CDH19: variants seen among roughly 807,000 people sequenced by gnomAD.
CDH19 encodes the protein cadherin-19.
A neutral mutation model predicts 64.2 loss-of-function variants in CDH19; 67 were observed. That is an observed-to-expected ratio of 1.04 (90% CI 0.86 to 1.28). The LOEUF (loss-of-function observed/expected upper bound fraction) is 1.28. Ranked by LOEUF, CDH19 falls within the 50% of genes most tolerant of loss-of-function variation. The pLI is 0.00. For synonymous variants in CDH19, 346 were observed against 319.3 expected (o/e 1.08, Z -0.89); for missense variants, 1,030 against 929.0 (o/e 1.11, Z -1.41).
intron 3 of CDH19, among the ~76,000 whole-genome samples, chr18:66,559,200 T>C (rs916064933): frequency 2.6e-5 from 4 of 152,018 alleles, no homozygotes; most frequent in Admixed American, 1.3e-4. Context: ...ATGGAAAATA[T>C]ATTTCAATTT....
Position 66,597,132 on chromosome 18 carries a change from A to G in CDH19, c.-113+6822T>C, listed in dbSNP as rs1988918119. ...ACTAATGTTCACAGGAAACCACAAA[A>G]GAGCCCAAAGAGCCAAAGCAATCTT... On this transcript the variant is annotated intron_variant, in intron 1 of 11. Transcript: ENST00000262150. 2.0e-5 allele frequency among the ~76,000 whole-genome samples: 3 copies of G among 146,716 alleles called. No individual in the cohort carries two copies. The South Asian group carries it at 6.5e-4, about 32-fold the overall frequency.
chr18:66,592,279 G>A (rs2076100826), intron 1 of CDH19, among the ~76,000 whole-genome samples: 1 of 151,514 alleles, frequency 6.6e-6, no homozygotes, highest in Non-Finnish European at 1.5e-5. Flanking sequence ...ACATATTTAT[G>A]GGATACAGAG....
chr18:66,595,682 C>T (rs1250427578), intron 1 of CDH19, among the ~76,000 whole-genome samples: 1 of 151,670 alleles, frequency 6.6e-6, no homozygotes, highest in African/African-American at 2.4e-5. Flanking sequence ...AAAAACCTAC[C>T]CAAAAGGAAA....
intron 1 of CDH19, among the ~76,000 whole-genome samples, chr18:66,593,089 A>G (rs1280649162): frequency 3.3e-5 from 5 of 151,728 alleles, no homozygotes. Context: ...TTGATAATGG[A>G]CATTCTAACT....
chr18:66,561,244 T>C (rs1047480211), intron 3 of CDH19, among the ~76,000 whole-genome samples: 3 of 152,126 alleles, frequency 2.0e-5, no homozygotes, highest in African/African-American at 7.2e-5. Context: ...ATAATAGTCA[T>C]TTTGTAAAAC....
intron 6 of CDH19, among the ~76,000 whole-genome samples, chr18:66,544,437 T>C (rs1166648950): frequency 3.9e-5 from 6 of 152,150 alleles, no homozygotes; most frequent in Admixed American, 1.3e-4. Flanking sequence ...GATAAAGTTA[T>C]ACTTTTGAAA....
At chr18:66,560,502 A>G (rs140085926) in intron 3 of CDH19, among the ~76,000 whole-genome samples, 2 of 152,176 alleles carry the variant, frequency 1.3e-5, no homozygotes, top group East Asian at 3.9e-4. Flanking sequence ...ATAAGAATAT[A>G]AATATTAGAA....
rs1172748817 is a variant in CDH19, at chr18:66,568,457, T to A, written c.449A>T (p.Asp150Val). ...DINDNEPKFL[D>V]EPYEAIVPEM... is the part of the protein sequence containing the mutation. ...TGGTACAATGGCCTCATAAGGTTCA[T>A]CTAGGAATTTTGGTTCATTGTCATT... The change falls in exon 3 of 12, where the codon GAT becomes GTT. Residue 150 changes from aspartate to valine, a missense_variant. Transcript: ENST00000262150. 1.2e-6 allele frequency: 2 copies of A among 1,612,000 alleles called. No homozygotes were observed. The highest frequency in any genetic ancestry group is 2.2e-5 in the East Asian group (1 of 44,812).
rs117143024 is a variant in CDH19 at position 66,556,816 on chromosome 18, T to C, written c.491-2292A>G. Among the ~76,000 whole-genome samples the C allele has an allele frequency of 3.0e-3, 458 of 151,978 alleles. 1 individual carries two copies. Among genetic ancestry groups the C allele is most frequent in the Non-Finnish European group, 3.8e-3 (260 of 67,880 alleles). On this transcript the variant is annotated intron_variant, in intron 3 of 11. Coordinates refer to ENST00000262150, the MANE Select transcript of CDH19 (RefSeq NM_021153.4). The stretch of plus-strand genomic sequence containing the variant: ...ATGGCCAATGGTTATATGAATGGGT[T>C]CTCAACATCACTAATCATCATGAAA...
chr18:66,552,651 T>C (rs1987386893), intron 4 of CDH19, among the ~76,000 whole-genome samples: 1 of 135,008 alleles, frequency 7.4e-6, no homozygotes, highest in Non-Finnish European at 1.5e-5. Context: ...AAAGGATATG[T>C]ATTTCTGGAT....
chr18:66,591,505 GCA>G (rs1988742622), intron 1 of CDH19, among the ~76,000 whole-genome samples: 2 of 151,938 alleles, frequency 1.3e-5, no homozygotes, highest in Admixed American at 6.6e-5. Context: ...AGATTAGTGT[GCA>G]CAGTTTCTAT....
At chr18:66,532,075 T>C (rs1200928263) in intron 8 of CDH19, among the ~76,000 whole-genome samples, 1 of 152,076 alleles carries the variant, frequency 6.6e-6, no homozygotes, top group East Asian at 1.9e-4. Context: ...CAAGCGATTC[T>C]CCTGCCTCAG....
chr18:66,543,910 T>C (rs1986994956), intron 7 of CDH19, 61 bp downstream of exon 7: 3 of 1,242,122 alleles, frequency 2.4e-6, no homozygotes, highest in Non-Finnish European at 3.3e-6. Context: ...CATGCAATTT[T>C]ATTTTTAATC....
chr18:66,518,654 T>C (rs1985845370), intron 9 of CDH19, among the ~76,000 whole-genome samples: 1 of 152,178 alleles, frequency 6.6e-6, no homozygotes, highest in African/African-American at 2.4e-5. Context: ...TTTCAAAGTA[T>C]TGTATATTGT....
intron 5 of CDH19, among the ~76,000 whole-genome samples, chr18:66,550,252 AT>A: frequency 6.6e-6 from 1 of 152,306 alleles, no homozygotes; most frequent in East Asian, 1.9e-4. Flanking sequence ...GCATAAGAAA[AT>A]TTTACGAAGC....
Position 66,501,397 on chromosome 18 carries a change from G to A in CDH19, c.*3415C>T, listed in dbSNP as rs1984932918. 1 of 152,198 alleles carries A rather than the reference G, an allele frequency of 6.6e-6. No individual in the cohort carries two copies. The highest frequency in any genetic ancestry group is 2.4e-5 in the African/African-American group (1 of 41,444). 9.4% of individuals were successfully genotyped at this position (152,198 alleles called of 1,614,324 possible). ...CTGGAAGCAGCAGTGGTCTTTCTGA[G>A]GAAGTTGCAGCTGATCACCAACCTG... On this transcript the variant is annotated 3_prime_UTR_variant, in exon 12 of 12. Transcript: ENST00000262150.
intron 1 of CDH19, among the ~76,000 whole-genome samples, chr18:66,600,828 C>T (rs1241716256): frequency 6.6e-6 from 1 of 151,734 alleles, no homozygotes; most frequent in Non-Finnish European, 1.5e-5. Flanking sequence ...TTGGGTTATT[C>T]TATAAGCATT....
chr18:66,515,348 T>C (rs12326686), intron 9 of CDH19, among the ~76,000 whole-genome samples: 43,546 of 151,456 alleles, frequency 0.29, 7,343 homozygotes, highest in Non-Finnish European at 0.38. Flanking sequence ...GATTTTAAAT[T>C]ACACCTGTTT....
intron 9 of CDH19, among the ~76,000 whole-genome samples, chr18:66,524,697 A>G (rs189969409): frequency 1.3e-5 from 2 of 151,992 alleles, no homozygotes; most frequent in African/African-American, 4.8e-5. Context: ...TCTTAATAGA[A>G]ACAAATCCAT....
Sources: allele counts gnomAD v4.1 joint callset (sites outside exome capture counted in the v4.1 genomes callset), GRCh38; gene constraint gnomAD v4.1.1; transcripts MANE v1.5; gene names NCBI Gene and HGNC (gene_info 2026-07-23, HGNC 2026-07-21).